The following FGFR1 variants were observed in gnomAD, a reference collection of about 807,000 sequenced individuals.
FGFR1 encodes FGFR1/PLAG1 fusion.
Under a neutral mutation model 93.7 loss-of-function variants are expected in FGFR1, and 18 were observed. The observed-to-expected ratio is 0.19, with a 90% CI of 0.13 to 0.28. The LOEUF (loss-of-function observed/expected upper bound fraction) is 0.28, where lower values mean the gene tolerates loss of function less well. FGFR1 is among the 10% of genes least tolerant of loss of function. The pLI is 1.00. For synonymous variants in FGFR1, 448 were observed against 429.3 expected (o/e 1.04, Z -0.54); for missense variants, 731 against 1,080.4 (o/e 0.68, Z 4.53).
At chr8:38,432,918 C>CT (rs1491211507) in intron 2 of FGFR1, among the ~76,000 whole-genome samples, 2 of 140,812 alleles carry the variant, frequency 1.4e-5, no homozygotes, top group African/African-American at 2.6e-5. Flanking sequence ...GCCCCCCCCC[C>CT]TCCCCAGTTG....
At position 38,467,703 on chromosome 8, in the gene FGFR1, A is replaced by G. The variant is rs17175694; in HGVS notation, c.-89+278T>C. 7.6e-3 allele frequency: 1,762 copies of G among 233,144 alleles called. 12 individuals are homozygous for G. The highest frequency in any genetic ancestry group is 0.012 in the Non-Finnish European group (1,372 of 118,112). 14.4% of individuals were successfully genotyped at this position (233,144 alleles called of 1,614,324 possible). ...GCCGCCGCCGCCTCGCCAGCTCCCG[A>G]GCGCGAGTTGGAGGAAAAGTTGGGC... On this transcript the variant is annotated intron_variant, in intron 1 of 17. Transcript: ENST00000447712.
At chr8:38,417,531 T>A in intron 11 of FGFR1, 115 bp from the exon 12 acceptor site, 1 of 903,512 alleles carries the variant, frequency 1.1e-6, no homozygotes, top group South Asian at 1.4e-5. Context: ...GATTCTCTCC[T>A]CCCCACTTCA....
chr8:38,431,921 A>T (rs564008774), intron 2 of FGFR1, among the ~76,000 whole-genome samples: 1 of 152,188 alleles, frequency 6.6e-6, no homozygotes, highest in African/African-American at 2.4e-5. Context: ...TAAGGAGAAA[A>T]GCAGTTTAGA....
intron 1 of FGFR1, among the ~76,000 whole-genome samples, chr8:38,457,882 C>G (rs559952663): frequency 3.3e-5 from 5 of 152,218 alleles, no homozygotes; most frequent in African/African-American, 1.2e-4. Flanking sequence ...ACTTCGGAGG[C>G]TAAGGCAAGA....
rs1240511730 is a variant in FGFR1, at chr8:38,429,834, T to C, written c.206A>G (p.Asp69Gly). 6.2e-7 allele frequency: 1 copy of C among 1,613,928 alleles called. No homozygotes were observed. The highest frequency in any genetic ancestry group is 8.5e-7 in the Non-Finnish European group (1 of 1,179,970). ...GTTGCTTTCCGCCAGCTGCACCCCG[T>C]CCCGCAGCCAGTTGATGCTCTGCAC... Reference protein sequence around the residue: ...DDVQSINWLRDGVQLAESNRT... With the variant: ...DDVQSINWLRGGVQLAESNRT... The change falls in exon 3 of 18, where the codon GAC (aspartate) becomes GGC (glycine). Residue 69 changes from aspartate (D) to glycine (G), a missense_variant. Physicochemically the swap from Asp to Gly is moderately conservative, Grantham distance 94. This residue lies in a region of FGFR1 where 212 missense variants were observed against 205.8 expected (regional missense o/e 1.03). Transcript: ENST00000447712. The surrounding 1 kb of genome is among the most constrained non-coding windows in gnomAD (Gnocchi z 4.4).
intron 9 of FGFR1, 151 bp downstream of exon 9, chr8:38,419,382 A>G (rs1451307489): frequency 1.3e-6 from 1 of 749,860 alleles, no homozygotes; most frequent in South Asian, 1.5e-5. Context: ...AACAGACTCT[A>G]GAGCACTTAG....
chr8:38,459,256 C>T lies in FGFR1; in HGVS notation c.-88-1722G>A, dbSNP rs550866780. On this transcript the variant is annotated intron_variant, in intron 1 of 17. Transcript: ENST00000447712. ...AAGTTATTCAGAGAATCTACTTCCC[C>T]GGAACATGCCCTAATGTGGTACTTC... Among the ~76,000 whole-genome samples the T allele has an allele frequency of 7.9e-5, 12 of 152,248 alleles. No homozygotes were observed. In the South Asian group the frequency reaches 1.0e-3, roughly 13 times the overall value.
intron 2 of FGFR1, chr8:38,440,229 G>T: frequency 7.8e-7 from 1 of 1,286,700 alleles, no homozygotes; most frequent in Non-Finnish European, 1.1e-6. Flanking sequence ...ACAGAACAGC[G>T]CAGCGGGGCT....
chr8:38,465,761 A>C, intron 1 of FGFR1: 1 of 218,574 alleles, frequency 4.6e-6, no homozygotes, highest in Non-Finnish European at 9.2e-6. Context: ...CTCAGGGAGG[A>C]AACCGGGAGC....
intron 2 of FGFR1, among the ~76,000 whole-genome samples, chr8:38,442,906 G>A (rs576621488): frequency 6.6e-5 from 10 of 152,292 alleles, no homozygotes; most frequent in African/African-American, 1.2e-4. Context: ...CCGCAATCCC[G>A]TCTCATTCCT....
intron 2 of FGFR1, among the ~76,000 whole-genome samples, chr8:38,443,519 C>G (rs1210214369): frequency 1.4e-5 from 2 of 142,890 alleles, no homozygotes; most frequent in Non-Finnish European, 1.5e-5. Flanking sequence ...AAAAGAAAAA[C>G]AAAATTAGCC....
chr8:38,418,051 G>A (rs1817348049), intron 10 of FGFR1, 60 bp from the exon 11 acceptor site: 1 of 1,612,350 alleles, frequency 6.2e-7, no homozygotes, highest in Admixed American at 1.7e-5. Context: ...ACCTTGAGAG[G>A]CACCCCATCT....
At chr8:38,443,685 T>A (rs915161489) in intron 2 of FGFR1, among the ~76,000 whole-genome samples, 3 of 151,168 alleles carry the variant, frequency 2.0e-5, no homozygotes, top group African/African-American at 7.3e-5. Context: ...AAACATTACA[T>A]AATCAATTTA....
intron 1 of FGFR1, chr8:38,467,617 AG>A (rs1835833982): frequency 4.3e-6 from 1 of 234,918 alleles, no homozygotes; most frequent in Non-Finnish European, 8.4e-6. Flanking sequence ...TCCCCAGTCC[AG>A]GAAACCGCGG....
chr8:38,463,961 G>T (rs1450934305), intron 1 of FGFR1, among the ~76,000 whole-genome samples: 1 of 151,596 alleles, frequency 6.6e-6, no homozygotes, highest in Non-Finnish European at 1.5e-5. Flanking sequence ...CTAATTTTTT[G>T]AGTCTCTTTA....
chr8:38,417,181 C>T, intron 12 of FGFR1, 125 bp downstream of exon 12: 1 of 783,038 alleles, frequency 1.3e-6, no homozygotes, highest in South Asian at 1.4e-5. Flanking sequence ...ACATTTTAAA[C>T]CTCTGCCAAA....
chr8:38,419,487 CAG>C (rs1467282028), intron 9 of FGFR1, 44 bp downstream of exon 9: 7 of 1,548,238 alleles, frequency 4.5e-6, no homozygotes, highest in Non-Finnish European at 4.5e-6. Flanking sequence ...ATTAGAGGCC[CAG>C]AGAGAGAGGT....
chr8:38,448,311 G>A (rs1017101607), intron 2 of FGFR1, among the ~76,000 whole-genome samples: 4 of 138,644 alleles, frequency 2.9e-5, no homozygotes, highest in Admixed American at 7.6e-5. Flanking sequence ...ACGGAGTTTC[G>A]CTCTTTTGCC....
intron 2 of FGFR1, among the ~76,000 whole-genome samples, chr8:38,450,865 G>T (rs569060812): frequency 6.6e-6 from 1 of 152,160 alleles, no homozygotes; most frequent in Non-Finnish European, 1.5e-5. Context: ...ACACAGCCTC[G>T]GAGTGGCTTT....
Sources: gnomAD v4.1 joint callset for allele counts (sites outside exome capture counted in the v4.1 genomes callset) on GRCh38, gnomAD v4.1.1 for gene constraint, gnomAD v4.1.1 regional missense constraint, Gnocchi (gnomAD v3.1) non-coding constraint, MANE v1.5 for transcripts, NCBI Gene and HGNC (gene_info 2026-07-23, HGNC 2026-07-21) for gene names.